The following PHLPP1 variants were observed in gnomAD, a reference collection of about 807,000 sequenced individuals.
PHLPP1 encodes PH domain leucine-rich repeat-containing protein phosphatase 1.
A neutral mutation model predicts 117.2 loss-of-function variants in PHLPP1; 42 were observed. That is an observed-to-expected ratio of 0.36 (90% confidence interval 0.28 to 0.46). The LOEUF (loss-of-function observed/expected upper bound fraction) is 0.46. Among genes scored for constraint, PHLPP1 ranks in the 20% least tolerant of loss-of-function variants. The pLI, the probability that PHLPP1 is intolerant of heterozygous loss-of-function variation, is 1.00. For missense variants in PHLPP1, 2,084 were observed against 2,241.9 expected (o/e 0.93, Z 1.42); for synonymous variants, 1,042 against 970.7 (o/e 1.07, Z -1.37).
At chr18:62,850,057 T>C (rs865844984) in intron 3 of PHLPP1, among the ~76,000 whole-genome samples, 31 of 146,280 alleles carry the variant, frequency 2.1e-4, no homozygotes, top group Middle Eastern at 3.5e-3. Context: ...ATATTAGACT[T>C]GGAAATTAAA....
chr18:62,894,906 G>T, intron 4 of PHLPP1, 105 bp from the exon 5 acceptor site: 1 of 970,112 alleles, frequency 1.0e-6, no homozygotes. Context: ...TTCCTCTTTA[G>T]TTGAATTTGG....
chr18:62,723,406 G>A lies in PHLPP1; in HGVS notation c.1576+6147G>A, dbSNP rs1910979249. 2.2e-5 allele frequency among the ~76,000 whole-genome samples: 3 copies of A among 138,460 alleles called. 1 individual carries two copies. The South Asian group carries it at 6.2e-4, about 29-fold the overall frequency. The allele number at this position is 138,460 out of a possible 152,430, so 90.8% of individuals were successfully genotyped here. A position where few individuals can be genotyped will look rare whatever the true frequency, so the allele number is the denominator to read the frequency against. On this transcript the variant is annotated intron_variant, in intron 1 of 16. Transcript: ENST00000262719. ...TTTGGTTTTGGACCATTTCAATAAT[G>A]AGTGAAATCTAATTAGAAAGTGAAG...
intron 1 of PHLPP1, among the ~76,000 whole-genome samples, chr18:62,728,665 C>A (rs183288766): frequency 6.6e-6 from 1 of 152,222 alleles, no homozygotes. Flanking sequence ...CACACCACTA[C>A]ACCTGGGTAC....
intron 2 of PHLPP1, 44 bp from the exon 3 acceptor site, chr18:62,838,740 C>T (rs550556507): frequency 2.8e-4 from 448 of 1,604,932 alleles, no homozygotes; most frequent in Non-Finnish European, 3.7e-4. Context: ...ATCAGTGGTT[C>T]TGCTGTCTGA....
chr18:62,916,743 TA>T, intron 9 of PHLPP1, among the ~76,000 whole-genome samples: 1 of 128,832 alleles, frequency 7.8e-6, no homozygotes, highest in Non-Finnish European at 1.6e-5. Flanking sequence ...TCTTTCCTTC[TA>T]TTCTTTTTTT....
chr18:62,962,431 C>T (rs951435473), intron 13 of PHLPP1, among the ~76,000 whole-genome samples: 14 of 152,192 alleles, frequency 9.2e-5, no homozygotes, highest in Admixed American at 9.2e-4. Context: ...TCTCAGCCTC[C>T]CGAGTAGCTG....
intron 1 of PHLPP1, among the ~76,000 whole-genome samples, chr18:62,816,838 A>G (rs546580645): frequency 6.6e-6 from 1 of 152,200 alleles, no homozygotes; most frequent in Non-Finnish European, 1.5e-5. Context: ...TAAATAAGAC[A>G]TCATTTCTGC....
At chr18:62,956,999 T>C (rs886826542) in intron 12 of PHLPP1, among the ~76,000 whole-genome samples, 1 of 152,204 alleles carries the variant, frequency 6.6e-6, no homozygotes, top group Non-Finnish European at 1.5e-5. Flanking sequence ...TTCTTGAGTA[T>C]AATCTCCCTC....
chr18:62,855,887 C>G (rs974112561), intron 3 of PHLPP1, among the ~76,000 whole-genome samples: 3 of 152,156 alleles, frequency 2.0e-5, no homozygotes, highest in Non-Finnish European at 4.4e-5. Flanking sequence ...GGTATAAGGT[C>G]GTCTTCTGGC....
chr18:62,955,320 G>A (rs1568173444), intron 12 of PHLPP1, among the ~76,000 whole-genome samples: 1 of 152,318 alleles, frequency 6.6e-6, no homozygotes, highest in East Asian at 1.9e-4. Flanking sequence ...TTGGTGTCGG[G>A]TTGAAGGACA....
At chr18:62,968,409 A>G (rs1010040881) in intron 14 of PHLPP1, among the ~76,000 whole-genome samples, 1 of 151,830 alleles carries the variant, frequency 6.6e-6, no homozygotes, top group African/African-American at 2.4e-5. Context: ...TTCTTTAAAT[A>G]GGATTATCTC....
chr18:62,881,025 T>A (rs1916161623), intron 4 of PHLPP1, among the ~76,000 whole-genome samples: 3 of 152,334 alleles, frequency 2.0e-5, no homozygotes, highest in Middle Eastern at 3.4e-3. Context: ...TAAGTACCTC[T>A]TGTTTGAATT....
intron 11 of PHLPP1, among the ~76,000 whole-genome samples, chr18:62,942,218 T>C (rs1038892866): frequency 6.6e-5 from 10 of 152,198 alleles, no homozygotes; most frequent in Non-Finnish European, 1.5e-5. Context: ...AGATTAATTT[T>C]TTAAAAAACC....
intron 8 of PHLPP1, among the ~76,000 whole-genome samples, chr18:62,905,596 T>C (rs1294238244): frequency 6.6e-6 from 1 of 152,206 alleles, no homozygotes; most frequent in African/African-American, 2.4e-5. Flanking sequence ...TTTTTGTCTT[T>C]CCCTGAAGTA....
chr18:62,786,507 C>G (rs1170450301), intron 1 of PHLPP1, among the ~76,000 whole-genome samples: 1 of 152,286 alleles, frequency 6.6e-6, no homozygotes, highest in East Asian at 1.9e-4. Context: ...AGTTACTAAT[C>G]TCGCTGCCTT....
chr18:62,892,083 T>TTTC (rs1491211655), intron 4 of PHLPP1, among the ~76,000 whole-genome samples: 1 of 17,636 alleles, frequency 5.7e-5, no homozygotes, highest in African/African-American at 1.4e-4. Context: ...TCTTTCTTTC[T>TTTC]TTTTTTTTTT....
intron 1 of PHLPP1, among the ~76,000 whole-genome samples, chr18:62,754,856 C>T (rs1374016701): frequency 6.6e-6 from 1 of 152,180 alleles, no homozygotes; most frequent in Non-Finnish European, 1.5e-5. Flanking sequence ...GTCAGCTACA[C>T]CTGGTGGTAC....
chr18:62,739,898 TC>T (rs1911472794), intron 1 of PHLPP1, among the ~76,000 whole-genome samples: 1 of 152,188 alleles, frequency 6.6e-6, no homozygotes, highest in Admixed American at 6.5e-5. Context: ...AACCAAGTAA[TC>T]ATAGTGTATA....
intron 1 of PHLPP1, among the ~76,000 whole-genome samples, chr18:62,805,708 T>C (rs951450839): frequency 6.6e-6 from 1 of 152,076 alleles, no homozygotes; most frequent in African/African-American, 2.4e-5. Flanking sequence ...CACTTTTAGT[T>C]TTAATGTATT....
Sources: gnomAD v4.1 joint callset for allele counts (sites outside exome capture counted in the v4.1 genomes callset) on GRCh38, gnomAD v4.1.1 for gene constraint, MANE v1.5 for transcripts, NCBI Gene and HGNC (gene_info 2026-07-23, HGNC 2026-07-21) for gene names.